The following TMPRSS15 variants were observed in gnomAD, a reference collection of about 807,000 sequenced individuals.
TMPRSS15 encodes enteropeptidase.
Under a neutral mutation model 125.3 loss-of-function variants are expected in TMPRSS15, and 128 were observed. The ratio of observed to expected loss-of-function variants is 1.02; its 90% CI spans 0.89 to 1.18. The LOEUF is 1.18. Ranked by LOEUF, TMPRSS15 falls within the 50% of genes most tolerant of loss-of-function variation. The pLI, the probability that TMPRSS15 is intolerant of heterozygous loss-of-function variation, is 0.00. For synonymous variants in TMPRSS15, 446 were observed against 423.2 expected (o/e 1.05, Z -0.66); for missense variants, 1,283 against 1,212.7 (o/e 1.06, Z -0.86).
intron 8 of TMPRSS15, among the ~76,000 whole-genome samples, chr21:18,358,983 C>T (rs1166575720): frequency 6.6e-6 from 1 of 152,016 alleles, no homozygotes; most frequent in African/African-American, 2.4e-5. Context: ...CCAACCTTAT[C>T]TTAGCTCTAG....
At chr21:18,355,577 T>C (rs1313739613) in intron 8 of TMPRSS15, among the ~76,000 whole-genome samples, 2 of 151,310 alleles carry the variant, frequency 1.3e-5, no homozygotes, top group Non-Finnish European at 3.0e-5. Context: ...ATCCAGGGAG[T>C]AGTGGAGGGT....
chr21:18,419,243 T>TTTC (rs1491412457), intron 1 of TMPRSS15, among the ~76,000 whole-genome samples: 1 of 119,784 alleles, frequency 8.3e-6, no homozygotes, highest in Non-Finnish European at 1.7e-5. Context: ...TTTTTTTTTT[T>TTTC]GAGACGGAGT....
Position 18,470,140 on chromosome 21 carries a change from T to C in TMPRSS15, c.10+15659A>G, listed in dbSNP as rs567285875. 1.7e-4 allele frequency among the ~76,000 whole-genome samples: 26 copies of C among 152,198 alleles called. 1 individual carries two copies. The South Asian group carries it at 5.0e-3, about 29-fold the overall frequency. On this transcript the variant is annotated intron_variant, in intron 1 of 7. Transcript: ENST00000422787. The stretch of plus-strand genomic sequence containing the variant: ...ATACTGGAGCAAGTCAGGATTACTT[T>C]GAGAATAGCCTTTGCTCTCTTTTAA...
Position 18,343,656 on chromosome 21 carries a change from C to T in TMPRSS15, c.1278G>A (p.Trp426Ter), listed in dbSNP as rs1413994898. The T allele has an allele frequency of 6.2e-7, 1 of 1,613,114 alleles. No individual in the cohort carries two copies. The highest frequency in any genetic ancestry group is 1.7e-5 in the Admixed American group (1 of 60,000). Residue 426 changes from tryptophan (W) to a stop codon, truncating the protein, a stop_gained and splice_region_variant, in exon 12 of 25, where the codon TGG (tryptophan) becomes TGA (stop). Coordinates refer to ENST00000284885, the MANE Select transcript of TMPRSS15 (RefSeq NM_002772.3). LOFTEE classifies it high-confidence loss of function. ...GGACATTTTCACCATACATATGATA[C>T]CTAGTTTGGAAAGAAGCAAAAATGT... is the stretch of plus-strand genomic sequence containing the variant. Reference protein sequence around the residue: ...PTLEPACLSFWYHMYGENVHK... With the variant: ...PTLEPACLSF
intron 4 of TMPRSS15, among the ~76,000 whole-genome samples, chr21:18,380,022 G>C (rs958244790): frequency 7.2e-5 from 11 of 151,988 alleles, no homozygotes; most frequent in Non-Finnish European, 1.6e-4. Context: ...TGCTGGAATA[G>C]AGTAGTTAAC....
Position 18,359,154 on chromosome 21 carries a change from T to C in TMPRSS15, c.880+603A>G, listed in dbSNP as rs143269017. On this transcript the variant is annotated intron_variant, in intron 8 of 24. Transcript: ENST00000284885. ...CTGTGCATTTTGGGGCCCGGTGGAATAAAGGGGCATGAATAGAAACATATT... is the reference window on the plus strand; with the variant it reads ...CTGTGCATTTTGGGGCCCGGTGGAACAAAGGGGCATGAATAGAAACATATT... Among the ~76,000 whole-genome samples, 958 of 152,108 alleles carry C rather than the reference T, an allele frequency of 6.3e-3. 14 individuals carry two copies. Among genetic ancestry groups the C allele is most frequent in the African/African-American group, 0.022 (895 of 41,518 alleles).
chr21:18,457,140 T>C (rs1205635144), intron 1 of TMPRSS15, among the ~76,000 whole-genome samples: 1 of 152,056 alleles, frequency 6.6e-6, no homozygotes, highest in Non-Finnish European at 1.5e-5. Flanking sequence ...AACAATTTGG[T>C]AGATTGTTGA....
intron 1 of TMPRSS15, among the ~76,000 whole-genome samples, chr21:18,421,565 T>C (rs1400663982): frequency 6.6e-6 from 1 of 152,176 alleles, no homozygotes. Context: ...AACCAGTGTT[T>C]TAATTTAGGA....
chr21:18,326,371 G>C, intron 16 of TMPRSS15, 61 bp downstream of exon 16: 1 of 1,606,120 alleles, frequency 6.2e-7, no homozygotes, highest in Non-Finnish European at 8.5e-7. Context: ...TTGAAATTCT[G>C]TACACCTTTG....
Position 18,361,121 on chromosome 21 carries a change from G to T in TMPRSS15, c.774-1258C>A, listed in dbSNP as rs555177587. Among the ~76,000 whole-genome samples, 8 of 152,198 alleles carry T rather than the reference G, an allele frequency of 5.3e-5. 1 individual carries two copies. In the South Asian group the frequency reaches 1.7e-3, roughly 32 times the overall value. On this transcript the variant is annotated intron_variant, in intron 7 of 24. Transcript: ENST00000284885. ...CTGGTATAAGAGCATAGAAGGAAAA[G>T]TGTGACAGGTTCATCAGAAAATTTA...
intron 13 of TMPRSS15, among the ~76,000 whole-genome samples, chr21:18,334,391 C>G (rs1248428017): frequency 6.6e-6 from 1 of 152,072 alleles, no homozygotes; most frequent in East Asian, 1.9e-4. Flanking sequence ...CCAAATCTTG[C>G]AAAGTGCTTC....
At chr21:18,298,768 T>C (rs1294861234) in intron 18 of TMPRSS15, among the ~76,000 whole-genome samples, 3 of 152,210 alleles carry the variant, frequency 2.0e-5, no homozygotes, top group African/African-American at 7.2e-5. Context: ...AGTACTGTGA[T>C]GGACCCACCC....
rs138667592 is a variant in TMPRSS15, at chr21:18,377,645, C to T, written c.532+1638G>A. ...ATTAGGTAATGCGTGAATTCACCCA[C>T]GTCTTTTTAGTGATTGAGAATGTAT... On this transcript the variant is annotated intron_variant, in intron 5 of 24. Transcript: ENST00000284885. 1.3e-3 allele frequency among the ~76,000 whole-genome samples: 193 copies of T among 152,198 alleles called. 1 individual carries two copies. Among genetic ancestry groups the T allele is most frequent in the African/African-American group, 4.3e-3 (178 of 41,544 alleles).
intron 3 of TMPRSS15, among the ~76,000 whole-genome samples, chr21:18,385,687 A>G (rs2075937552): frequency 6.6e-6 from 1 of 152,124 alleles, no homozygotes; most frequent in Non-Finnish European, 1.5e-5. Context: ...TGTCATTGTC[A>G]TTGTACTACT....
intron 21 of TMPRSS15, among the ~76,000 whole-genome samples, chr21:18,289,864 G>A (rs1366596112): frequency 6.6e-6 from 1 of 152,174 alleles, no homozygotes; most frequent in Non-Finnish European, 1.5e-5. Flanking sequence ...GAAACTTTTT[G>A]GGTGATTGGA....
At chr21:18,329,698 T>C (rs1018439970) in intron 14 of TMPRSS15, among the ~76,000 whole-genome samples, 1 of 151,478 alleles carries the variant, frequency 6.6e-6, no homozygotes, top group African/African-American at 2.4e-5. Flanking sequence ...AAATCCACTT[T>C]ATAGGACAAG....
In TMPRSS15 at chr21:18,422,620, C is replaced by G. The variant is rs556016563; in HGVS notation, c.11-24291G>C. Among the ~76,000 whole-genome samples, 3 of 152,234 alleles carry G rather than the reference C, an allele frequency of 2.0e-5. No individual in the cohort carries two copies. In the East Asian group the frequency reaches 5.8e-4, roughly 29 times the overall value. On this transcript the variant is annotated intron_variant, in intron 1 of 7. Transcript: ENST00000422787. ...AACAGTAGTAGCGTGGCAGGTGCTA[C>G]AATTATTCCCATTTATGAGATGTGG...
At chr21:18,405,974 T>C (rs1436540212), upstream of TMPRSS15, among the ~76,000 whole-genome samples, 1 of 152,222 alleles carries the variant, frequency 6.6e-6, no homozygotes, top group Non-Finnish European at 1.5e-5. Context: ...GACTTGTGTT[T>C]TTTTCTTTAT....
chr21:18,364,962 G>C (rs1038177943), intron 7 of TMPRSS15, among the ~76,000 whole-genome samples, 178 bp downstream of exon 7: 3 of 152,076 alleles, frequency 2.0e-5, no homozygotes, highest in African/African-American at 7.2e-5. Flanking sequence ...GCACAGAATA[G>C]CTTTTTAAAA....
Sources: allele counts gnomAD v4.1 joint callset (sites outside exome capture counted in the v4.1 genomes callset), GRCh38; gene constraint gnomAD v4.1.1; transcripts MANE v1.5; gene names NCBI Gene and HGNC (gene_info 2026-07-23, HGNC 2026-07-21).